LYAR: variants seen among roughly 807,000 people sequenced by gnomAD.
LYAR encodes the protein cell growth-regulating nucleolar protein.
LYAR carries 37 observed loss-of-function variants against 45.2 expected under a neutral mutation model. The ratio of observed to expected loss-of-function variants is 0.82; its 90% CI spans 0.63 to 1.08. The LOEUF is 1.08. Among genes scored for constraint, LYAR ranks in the 50% least tolerant of loss-of-function variants. The pLI is 0.00. For synonymous variants in LYAR, 176 were observed against 155.1 expected (o/e 1.14, Z -1.00); for missense variants, 493 against 451.0 (o/e 1.09, Z -0.84).
At chr4:4,269,795 T>A (rs370955120) in intron 8 of LYAR, among the ~76,000 whole-genome samples, 3 of 152,202 alleles carry the variant, frequency 2.0e-5, no homozygotes, top group Non-Finnish European at 4.4e-5. Context: ...GCATTTAACA[T>A]AGACCTGAAA....
At chr4:4,273,783 T>C in intron 7 of LYAR, 114 bp from the exon 8 acceptor site, 1 of 630,148 alleles carries the variant, frequency 1.6e-6, no homozygotes, top group Non-Finnish European at 2.8e-6. Flanking sequence ...TCATTTCTTC[T>C]CCAAGCTGCC....
At chr4:4,275,546 G>A (rs1348199418) in intron 6 of LYAR, among the ~76,000 whole-genome samples, 1 of 151,796 alleles carries the variant, frequency 6.6e-6, no homozygotes. Context: ...CCAGACTCAG[G>A]CAACACGCCT....
At chr4:4,279,298 C>T in intron 6 of LYAR, 149 bp downstream of exon 6, 1 of 605,582 alleles carries the variant, frequency 1.7e-6, no homozygotes, top group Non-Finnish European at 2.9e-6. Flanking sequence ...CACCACTGCA[C>T]TGCAGCCTGG....
In LYAR at chr4:4,279,697, A is replaced by C. The variant is rs771575137; in HGVS notation, c.290T>G (p.Leu97Arg). The C allele has an allele frequency of 6.2e-7, 1 of 1,613,978 alleles. No individual in the cohort carries two copies. The highest frequency in any genetic ancestry group is 1.1e-5 in the South Asian group (1 of 91,044). The change falls in exon 5 of 10, where the codon CTT becomes CGT. Residue 97 changes from leucine (L) to arginine (R), a missense_variant. Physicochemically the swap from Leu to Arg is moderately radical, Grantham distance 102. Transcript: ENST00000343470. Reference protein sequence around the residue: ...RPNVSPKVRELLEQISAFDNV... With the variant: ...RPNVSPKVRERLEQISAFDNV... The stretch of plus-strand genomic sequence containing the variant: ...GTCAAAAGCACTAATTTGCTCTAAA[A>C]GTTCTCTCACTTTGGGGCTGACATT...
Position 4,274,879 on chromosome 4 carries a change from T to C in LYAR, c.430-110A>G. 6 of 1,052,790 alleles carry C rather than the reference T, an allele frequency of 5.7e-6. No individual in the cohort carries two copies. The Middle Eastern group carries it at 1.2e-3, about 204-fold the overall frequency. The allele number at this position is 1,052,790 out of a possible 1,614,324, so 65.2% of individuals were successfully genotyped here. A position where few individuals can be genotyped will look rare whatever the true frequency, so the allele number is the denominator to read the frequency against. ...TAAACTGTTCAAGAAAAACGGTTGG[T>C]TTAATCCCTTATCGTTTTATAACTG... On this transcript the variant is annotated intron_variant, in intron 6 of 9. Coordinates refer to ENST00000343470, the MANE Select transcript of LYAR (RefSeq NM_017816.3).
At chr4:4,289,362 T>G (rs1048277086) in intron 1 of LYAR, among the ~76,000 whole-genome samples, 9 of 152,110 alleles carry the variant, frequency 5.9e-5, no homozygotes, top group Non-Finnish European at 1.5e-5. Flanking sequence ...TGTGAGTAAG[T>G]CCCAAGTGGG....
chr4:4,272,089 G>C (rs1177568260), intron 8 of LYAR, among the ~76,000 whole-genome samples: 3 of 152,156 alleles, frequency 2.0e-5, no homozygotes, highest in African/African-American at 7.2e-5. Context: ...GGGTGAGAGG[G>C]AAGTGGCTGT....
chr4:4,281,691 C>T (rs1322234672), intron 4 of LYAR, 92 bp downstream of exon 4: 21 of 902,784 alleles, frequency 2.3e-5, no homozygotes, highest in Non-Finnish European at 3.7e-5. Context: ...AGCTTGTCTG[C>T]AGGGATGACA....
intron 8 of LYAR, 106 bp downstream of exon 8, chr4:4,273,477 C>G (rs1246555554): frequency 1.3e-6 from 1 of 746,616 alleles, no homozygotes; most frequent in Non-Finnish European, 2.3e-6. Context: ...CAGCCTCACA[C>G]TCCTGAGCTC....
At position 4,274,485 on chromosome 4, in the gene LYAR, G is replaced by A; in HGVS notation, c.714C>T (p.Val238=). The change falls in exon 7 of 10, where the codon GTC becomes GTT. Residue 238 remains valine (V), a synonymous_variant. Coordinates refer to ENST00000343470, the MANE Select transcript of LYAR (RefSeq NM_017816.3). Reference sequence around the variant, plus strand: ...TCCCTGCAGAGCCATTGGCCTCAGGGACTTCCTCCCCACCAGCCTCAAGGT... The same window carrying A: ...TCCCTGCAGAGCCATTGGCCTCAGGAACTTCCTCCCCACCAGCCTCAAGGT... ...EADLEAGGEE[V]PEANGSAGKR... The A allele has an allele frequency of 6.2e-7, 1 of 1,614,116 alleles. No individual in the cohort carries two copies. The highest frequency in any genetic ancestry group is 8.5e-7 in the Non-Finnish European group (1 of 1,180,030).
rs879286766 is a variant in LYAR at position 4,283,736 on chromosome 4, A to T, written c.7T>A (p.Phe3Ile). 3 of 1,610,398 alleles carry T rather than the reference A, an allele frequency of 1.9e-6. No homozygotes were observed. The highest frequency in any genetic ancestry group is 2.2e-5 in the South Asian group (2 of 90,968). ...TCACCACATGCATTGCATGTAAAAA[A>T]TACCATTTTTAGGTAAATGGCTAAA... MVFFTCNACGESV... is the reference protein window; with the variant it reads MVIFTCNACGESV... The change falls in exon 3 of 10, where the codon TTT becomes ATT. Residue 3 changes from phenylalanine to isoleucine, a missense_variant. Coordinates refer to ENST00000343470, the MANE Select transcript of LYAR (RefSeq NM_017816.3).
chr4:4,287,524 C>T (rs1719663971), intron 1 of LYAR, among the ~76,000 whole-genome samples: 1 of 152,224 alleles, frequency 6.6e-6, no homozygotes, highest in African/African-American at 2.4e-5. Flanking sequence ...TAGCTCTCTA[C>T]AAAGCCGTGT....
intron 1 of LYAR, among the ~76,000 whole-genome samples, chr4:4,287,969 T>G (rs1269017173): frequency 6.6e-6 from 1 of 152,194 alleles, no homozygotes; most frequent in Non-Finnish European, 1.5e-5. Context: ...GGCTGGGAAC[T>G]TGTTAGTCTT....
At chr4:4,272,505 A>G (rs548579752) in intron 8 of LYAR, among the ~76,000 whole-genome samples, 1 of 152,270 alleles carries the variant, frequency 6.6e-6, no homozygotes. Context: ...AAAGATTATC[A>G]ATAACTAATA....
intron 2 of LYAR, 58 bp from the exon 3 acceptor site, chr4:4,283,853 C>T: frequency 1.3e-6 from 1 of 750,116 alleles, no homozygotes. Context: ...CAATAAATGG[C>T]TCATGCCCCT....
chr4:4,276,167 T>C (rs1029824721), intron 6 of LYAR, among the ~76,000 whole-genome samples: 1 of 151,946 alleles, frequency 6.6e-6, no homozygotes, highest in Non-Finnish European at 1.5e-5. Context: ...GGAAAGAGAG[T>C]GGCCAGTGGC....
chr4:4,282,676 C>G (rs1045577382), intron 3 of LYAR, among the ~76,000 whole-genome samples: 1 of 152,220 alleles, frequency 6.6e-6, no homozygotes, highest in Admixed American at 6.5e-5. Flanking sequence ...ACATGAAATT[C>G]AAGAGGGGAG....
At chr4:4,288,787 T>C (rs1234362378) in intron 1 of LYAR, among the ~76,000 whole-genome samples, 2 of 152,218 alleles carry the variant, frequency 1.3e-5, no homozygotes, top group African/African-American at 2.4e-5. Context: ...CGCTTGGCCT[T>C]GACTATTCTT....
chr4:4,281,745 G>C, intron 4 of LYAR, 38 bp downstream of exon 4: 1 of 1,456,314 alleles, frequency 6.9e-7, no homozygotes, highest in African/African-American at 1.4e-5. Flanking sequence ...AGCGGAAGCT[G>C]TCAGAGGAAG....
Sources: gnomAD v4.1 joint callset for allele counts (sites outside exome capture counted in the v4.1 genomes callset) on GRCh38, gnomAD v4.1.1 for gene constraint, MANE v1.5 for transcripts, NCBI Gene and HGNC (gene_info 2026-07-23, HGNC 2026-07-21) for gene names.